The following CACNA2D3 variants were observed in gnomAD, a reference collection of about 807,000 sequenced individuals.
CACNA2D3 encodes calcium voltage-gated channel auxiliary subunit alpha2delta 3.
CACNA2D3 carries 60 observed loss-of-function variants against 160.6 expected under a neutral mutation model. That is an observed-to-expected ratio of 0.37 (90% CI 0.30 to 0.46). The LOEUF is 0.46. CACNA2D3 is among the 20% of genes least tolerant of loss of function. The probability of loss-of-function intolerance (pLI) is 1.00; values close to 1 mark genes in which losing one functional copy is unlikely to be tolerated. For missense variants in CACNA2D3, 1,205 were observed against 1,365.0 expected (o/e 0.88, Z 1.85); for synonymous variants, 558 against 492.9 (o/e 1.13, Z -1.75).
intron 8 of CACNA2D3, among the ~76,000 whole-genome samples, chr3:54,577,964 CT>C (rs992219836): frequency 6.6e-6 from 1 of 152,198 alleles, no homozygotes; most frequent in African/African-American, 2.4e-5. Context: ...GTGGCAGCTT[CT>C]AAGCTCTTTA....
At position 54,741,706 on chromosome 3, in the gene CACNA2D3, G is replaced by T. The variant is rs145401923; in HGVS notation, c.1168-10893G>T. Among the ~76,000 whole-genome samples the T allele has an allele frequency of 2.5e-3, 385 of 152,070 alleles. 1 individual carries two copies. The highest frequency in any genetic ancestry group is 9.0e-3 in the African/African-American group (374 of 41,500). ...GTCTGCTTTGGAGTTTTCCTTGGTG[G>T]TCCACTGGACAATTTCTGTATTTGT... On this transcript the variant is annotated intron_variant, in intron 11 of 37. Transcript: ENST00000474759.
At chr3:54,735,905 C>T (rs577048691) in intron 11 of CACNA2D3, among the ~76,000 whole-genome samples, 174 of 143,980 alleles carry the variant, frequency 1.2e-3, no homozygotes, top group African/African-American at 4.2e-3. Context: ...AAACAGGGAT[C>T]ACTTGTTATC....
At chr3:54,866,095 G>A (rs931913246) in intron 17 of CACNA2D3, among the ~76,000 whole-genome samples, 3 of 152,000 alleles carry the variant, frequency 2.0e-5, no homozygotes, top group Middle Eastern at 6.9e-3. Context: ...ACATGAGGGT[G>A]GGAGCTCATT....
chr3:54,284,571 C>T (rs1044472567), intron 2 of CACNA2D3, among the ~76,000 whole-genome samples: 1 of 152,024 alleles, frequency 6.6e-6, no homozygotes, highest in Non-Finnish European at 1.5e-5. Context: ...ATTAAAATGT[C>T]TTAATTTTAA....
chr3:54,307,696 T>G (rs1703645520), intron 2 of CACNA2D3, among the ~76,000 whole-genome samples: 1 of 152,216 alleles, frequency 6.6e-6, no homozygotes, highest in African/African-American at 2.4e-5. Context: ...CTTTTGGCCC[T>G]GTAACTACAG....
Position 54,871,196 on chromosome 3 carries a change from C to G in CACNA2D3, c.1627-343C>G, listed in dbSNP as rs1171814821. ...ATATAGGTGGAGACACACACACACA[C>G]ACACACACACACACACACACACACA... On this transcript the variant is annotated intron_variant, in intron 17 of 37. Coordinates refer to ENST00000474759, the MANE Select transcript of CACNA2D3 (RefSeq NM_018398.3). 8.3e-4 allele frequency among the ~76,000 whole-genome samples: 88 copies of G among 105,864 alleles called. 1 individual carries two copies. Among genetic ancestry groups the G allele is most frequent in the Admixed American group, 4.4e-3 (40 of 8,996 alleles). 69.5% of individuals were successfully genotyped at this position (105,864 alleles called of 152,430 possible).
At chr3:54,767,192 TA>T (rs1702241323) in intron 13 of CACNA2D3, among the ~76,000 whole-genome samples, 1 of 152,006 alleles carries the variant, frequency 6.6e-6, no homozygotes, top group Non-Finnish European at 1.5e-5. Context: ...GGGGGGAAAT[TA>T]AAAGTGAATG....
At chr3:54,403,119 G>A (rs1699501500) in intron 4 of CACNA2D3, among the ~76,000 whole-genome samples, 1 of 152,056 alleles carries the variant, frequency 6.6e-6, no homozygotes, top group Non-Finnish European at 1.5e-5. Context: ...CCAGCACTTT[G>A]GGAGATGGAG....
chr3:54,838,964 A>G (rs1698754658), intron 16 of CACNA2D3, among the ~76,000 whole-genome samples: 1 of 152,178 alleles, frequency 6.6e-6, no homozygotes, highest in Admixed American at 6.5e-5. Flanking sequence ...TGCCTTTTAA[A>G]AAGATAGTCC....
At chr3:54,588,306 G>A (rs1702799294) in intron 9 of CACNA2D3, among the ~76,000 whole-genome samples, 1 of 152,108 alleles carries the variant, frequency 6.6e-6, no homozygotes, top group Admixed American at 6.5e-5. Context: ...ATTGGGAATG[G>A]GAAGTAACTT....
intron 2 of CACNA2D3, among the ~76,000 whole-genome samples, chr3:54,132,962 T>C (rs1156943601): frequency 6.6e-6 from 1 of 152,094 alleles, no homozygotes; most frequent in Admixed American, 6.5e-5. Flanking sequence ...AAGTGACTCA[T>C]GGGAAGTGTA....
chr3:54,479,160 T>C (rs1272029842), intron 4 of CACNA2D3, among the ~76,000 whole-genome samples: 1 of 152,014 alleles, frequency 6.6e-6, no homozygotes, highest in Non-Finnish European at 1.5e-5. Context: ...AAGAAGCTTT[T>C]CCCCCTTTGC....
chr3:54,667,148 G>C (rs1203848060), intron 11 of CACNA2D3, among the ~76,000 whole-genome samples: 3 of 152,106 alleles, frequency 2.0e-5, no homozygotes, highest in Non-Finnish European at 4.4e-5. Flanking sequence ...CAGTATAACT[G>C]GTACATGAAC....
intron 2 of CACNA2D3, among the ~76,000 whole-genome samples, chr3:54,265,274 A>G (rs747943196): frequency 1.3e-5 from 2 of 152,136 alleles, no homozygotes; most frequent in African/African-American, 4.8e-5. Context: ...AATGATTACT[A>G]TTCTAACACA....
chr3:54,915,407 G>A (rs1463829160), intron 27 of CACNA2D3, among the ~76,000 whole-genome samples: 1 of 152,098 alleles, frequency 6.6e-6, no homozygotes, highest in African/African-American at 2.4e-5. Context: ...TATATTTTTA[G>A]TTTTCTCAGA....
At chr3:54,453,680 C>T (rs765581910) in intron 4 of CACNA2D3, among the ~76,000 whole-genome samples, 1 of 152,176 alleles carries the variant, frequency 6.6e-6, no homozygotes, top group Non-Finnish European at 1.5e-5. Context: ...CTTGCTCTCT[C>T]AATTCCTTCT....
At chr3:54,748,043 A>AC (rs1701787575) in intron 11 of CACNA2D3, among the ~76,000 whole-genome samples, 2 of 152,252 alleles carry the variant, frequency 1.3e-5, no homozygotes, top group African/African-American at 4.8e-5. Flanking sequence ...TAGCCCTGGC[A>AC]CCAAGAATGG....
At chr3:54,734,138 T>C (rs1185031047) in intron 11 of CACNA2D3, among the ~76,000 whole-genome samples, 1 of 152,166 alleles carries the variant, frequency 6.6e-6, no homozygotes, top group African/African-American at 2.4e-5. Flanking sequence ...AGGAAATCGT[T>C]GTCCAAGAGG....
chr3:54,764,487 T>TG, intron 13 of CACNA2D3, 136 bp downstream of exon 13: 1 of 1,053,716 alleles, frequency 9.5e-7, no homozygotes, highest in Non-Finnish European at 1.3e-6. Flanking sequence ...TGTATAGTGT[T>TG]GGTCACCTTG....
Sources: allele counts gnomAD v4.1 joint callset (sites outside exome capture counted in the v4.1 genomes callset), GRCh38; gene constraint gnomAD v4.1.1; transcripts MANE v1.5; gene names NCBI Gene and HGNC (gene_info 2026-07-23, HGNC 2026-07-21).